ANXA3: variants seen among roughly 807,000 people sequenced by gnomAD.
ANXA3 encodes 35-alpha calcimedin.
ANXA3 carries 46 observed loss-of-function variants against 48.8 expected under a neutral mutation model. That is an observed-to-expected ratio of 0.94 (90% CI 0.74 to 1.21). The LOEUF (loss-of-function observed/expected upper bound fraction) is 1.21, where lower values mean the gene tolerates loss of function less well. ANXA3 is among the 50% of genes most tolerant of loss of function. The pLI, the probability that ANXA3 is intolerant of heterozygous loss-of-function variation, is 0.00. For missense variants in ANXA3, 383 were observed against 378.6 expected, an observed-to-expected ratio of 1.01 and a Z score of -0.10; for synonymous variants, 128 against 134.7, an observed-to-expected ratio of 0.95 and a Z score of 0.35.
chr4:78,609,716 A>G (rs1201626013), intron 12 of ANXA3, among the ~76,000 whole-genome samples: 1 of 152,220 alleles, frequency 6.6e-6, no homozygotes, highest in Non-Finnish European at 1.5e-5. Flanking sequence ...CCTTTTGAAT[A>G]GCAAGTGTTC....
At chr4:78,583,081 G>A (rs1283106875) in intron 5 of ANXA3, among the ~76,000 whole-genome samples, 1 of 152,168 alleles carries the variant, frequency 6.6e-6, no homozygotes, top group Non-Finnish European at 1.5e-5. Context: ...GCTCTTGCCT[G>A]TAATCCCAAT....
chr4:78,582,102 C>T lies in ANXA3; in HGVS notation c.199-75C>T, dbSNP rs565371119. On this transcript the variant is annotated intron_variant, in intron 4 of 12. Coordinates refer to ENST00000264908, the MANE Select transcript of ANXA3 (RefSeq NM_005139.3). The stretch of plus-strand genomic sequence containing the variant: ...TTTGTCTGATTTTGATACATATGTT[C>T]ATCTTTCACTAGGTGACTTTAGAGA... 8.3e-5 allele frequency: 72 copies of T among 869,742 alleles called. No individual in the cohort carries two copies. In the Middle Eastern group the frequency reaches 1.9e-3, roughly 23 times the overall value. The allele number at this position is 869,742 out of a possible 1,614,324, so 53.9% of individuals were successfully genotyped here.
chr4:78,591,676 A>C, intron 7 of ANXA3, 53 bp downstream of exon 7: 1 of 1,314,894 alleles, frequency 7.6e-7, no homozygotes, highest in Non-Finnish European at 1.1e-6. Context: ...ATGCTCAATA[A>C]CAATTTTTAG....
intron 2 of ANXA3, among the ~76,000 whole-genome samples, chr4:78,571,441 T>C (rs1454821890): frequency 6.6e-6 from 1 of 152,218 alleles, no homozygotes; most frequent in Non-Finnish European, 1.5e-5. Context: ...TTTGAGTGTA[T>C]TGAAATCAAT....
chr4:78,599,450 G>A (rs1009875550), intron 10 of ANXA3, among the ~76,000 whole-genome samples: 2 of 152,190 alleles, frequency 1.3e-5, no homozygotes, highest in Non-Finnish European at 2.9e-5. Context: ...TCGTGTAATA[G>A]GAGCATACTA....
rs112391761 is a variant in ANXA3 at position 78,597,350 on chromosome 4, G to A, written c.666G>A (p.Lys222=). The change falls in exon 10 of 13, where the codon AAG becomes AAA. Residue 222 remains lysine (K), a synonymous_variant. Coordinates refer to ENST00000264908, the MANE Select transcript of ANXA3 (RefSeq NM_005139.3). ...ATGAATACAGAAATATCAGCCAAAA[G>A]GACATTGTGGACAGCATAAAAGGAG... ...TFDEYRNISQ[K]DIVDSIKGEL... is the part of the protein sequence containing the mutation. 4.3e-6 allele frequency: 7 copies of A among 1,609,832 alleles called. No individual in the cohort carries two copies. The highest frequency in any genetic ancestry group is 2.7e-5 in the African/African-American group (2 of 74,704).
intron 4 of ANXA3, among the ~76,000 whole-genome samples, chr4:78,580,817 T>C (rs1470173734): frequency 1.3e-5 from 2 of 152,250 alleles, no homozygotes; most frequent in Non-Finnish European, 2.9e-5. Context: ...TTGTCTAACT[T>C]ACCTTTAAAG....
chr4:78,576,976 G>T (rs763062520), intron 3 of ANXA3, among the ~76,000 whole-genome samples: 5 of 152,138 alleles, frequency 3.3e-5, no homozygotes, highest in African/African-American at 7.2e-5. Context: ...ATGCAGAGAG[G>T]GGGTAGAAAA....
chr4:78,588,975 G>C lies in ANXA3; in HGVS notation c.404-2569G>C, dbSNP rs550136519. On this transcript the variant is annotated intron_variant, in intron 6 of 12. Coordinates refer to ENST00000264908, the MANE Select transcript of ANXA3 (RefSeq NM_005139.3). ...CAGGCACTGTTTCCCAAGTTGGCTT[G>C]GTATTTTCTGGTGTTTCTTAGAAGA... Among the ~76,000 whole-genome samples the C allele has an allele frequency of 1.1e-4, 17 of 152,266 alleles. No homozygotes were observed. In the South Asian group the frequency reaches 3.3e-3, roughly 30 times the overall value.
intron 6 of ANXA3, among the ~76,000 whole-genome samples, chr4:78,588,655 C>T (rs1477273445): frequency 1.3e-5 from 2 of 152,056 alleles, no homozygotes; most frequent in African/African-American, 2.4e-5. Flanking sequence ...AGTACCTACA[C>T]GGGGGTCAAA....
intron 12 of ANXA3, among the ~76,000 whole-genome samples, chr4:78,606,666 A>C (rs1723654451): frequency 6.6e-6 from 1 of 151,480 alleles, no homozygotes; most frequent in Non-Finnish European, 1.5e-5. Context: ...CTGACTTTAC[A>C]AATGGCCTTT....
chr4:78,554,778 GAGA>G (rs536861388), intron 2 of ANXA3, among the ~76,000 whole-genome samples: 3 of 152,216 alleles, frequency 2.0e-5, no homozygotes, highest in Non-Finnish European at 4.4e-5. Context: ...TGACATATCA[GAGA>G]AGAAGAGACG....
At position 78,595,390 on chromosome 4, in the gene ANXA3, G is replaced by C; in HGVS notation, c.493G>C (p.Asp165His). The stretch of plus-strand genomic sequence containing the variant: ...TCGTCCTCCTGTTTAGGGCAGAAGA[G>C]ATGAAAGTCTGAAAGTGGATGAGCA... Reference protein sequence around the residue: ...ALLTLADGRRDESLKVDEHLA... With the variant: ...ALLTLADGRRHESLKVDEHLA... The change falls in exon 8 of 13, where the codon GAT becomes CAT. Residue 165 changes from aspartate (D) to histidine (H), a missense_variant. Coordinates refer to ENST00000264908, the MANE Select transcript of ANXA3 (RefSeq NM_005139.3). The C allele has an allele frequency of 6.2e-7, 1 of 1,613,722 alleles. No individual in the cohort carries two copies. Among genetic ancestry groups the C allele is most frequent in the Non-Finnish European group, 8.5e-7 (1 of 1,179,840 alleles).
chr4:78,605,278 AG>A (rs11284873), intron 12 of ANXA3, among the ~76,000 whole-genome samples: 13,376 of 152,182 alleles, frequency 0.088, 924 homozygotes, highest in East Asian at 0.28. Flanking sequence ...CTGGGACTAT[AG>A]GTAAACTTTT....
chr4:78,577,510 C>A (rs1286791675), intron 3 of ANXA3, among the ~76,000 whole-genome samples: 1 of 152,048 alleles, frequency 6.6e-6, no homozygotes, highest in Non-Finnish European at 1.5e-5. Context: ...GTGCTCAGAC[C>A]CACAGAGCAC....
rs1474607927 is a variant in ANXA3, at chr4:78,579,076, A to G, written c.153A>G (p.Ala51=). The G allele has an allele frequency of 1.2e-6, 2 of 1,612,562 alleles. No homozygotes were observed. The highest frequency in any genetic ancestry group is 2.7e-5 in the African/African-American group (2 of 74,932). Residue 51 remains alanine (A), a synonymous_variant, in exon 4 of 13, where the codon GCA becomes GCG. Coordinates refer to ENST00000264908, the MANE Select transcript of ANXA3 (RefSeq NM_005139.3). The stretch of plus-strand genomic sequence containing the variant: ...GCATTCTGACTGAGAGGTCAAATGC[A>G]CAGCGGCAGCTGATTGTTAAGGAAT... ...LISILTERSN[A]QRQLIVKEYQ...
intron 5 of ANXA3, among the ~76,000 whole-genome samples, chr4:78,584,749 T>C (rs946882189): frequency 1.3e-5 from 2 of 152,232 alleles, no homozygotes; most frequent in East Asian, 1.9e-4. Context: ...GAGAAGCAGA[T>C]GGCAAGATGG....
At chr4:78,563,646 G>T (rs1001853628) in intron 2 of ANXA3, among the ~76,000 whole-genome samples, 2 of 152,130 alleles carry the variant, frequency 1.3e-5, no homozygotes, top group African/African-American at 4.8e-5. Flanking sequence ...CCAGAATTGT[G>T]AGAAATAAAT....
intron 12 of ANXA3, among the ~76,000 whole-genome samples, chr4:78,608,463 G>A (rs1723696223): frequency 6.6e-6 from 1 of 152,146 alleles, no homozygotes; most frequent in African/African-American, 2.4e-5. Flanking sequence ...TTTAGCTTAA[G>A]AGTAAGGGGA....
Sources: allele counts gnomAD v4.1 joint callset (sites outside exome capture counted in the v4.1 genomes callset), GRCh38; gene constraint gnomAD v4.1.1; transcripts MANE v1.5; gene names NCBI Gene and HGNC (gene_info 2026-07-23, HGNC 2026-07-21).